BRD3: variants seen among roughly 807,000 people sequenced by gnomAD.
BRD3 encodes bromodomain containing 3, also known as bromodomain-containing protein 3.
BRD3 carries 17 observed loss-of-function variants against 66.8 expected under a neutral mutation model. The ratio of observed to expected loss-of-function variants is 0.25; its 90% CI spans 0.17 to 0.38. BRD3 has a LOEUF of 0.38. BRD3 is among the 10% of genes least tolerant of loss of function. The pLI, the probability that BRD3 is intolerant of heterozygous loss-of-function variation, is 1.00. For missense variants in BRD3, 713 were observed against 956.1 expected (o/e 0.75, Z 3.35); for synonymous variants, 421 against 393.2 (o/e 1.07, Z -0.84).
intron 1 of BRD3, chr9:134,054,201 C>G (rs908609354): frequency 2.6e-5 from 4 of 152,356 alleles, no homozygotes; most frequent in African/African-American, 9.6e-5. Flanking sequence ...GGTTGTGACC[C>G]GGCCTGGCTC....
chr9:134,055,203 C>A (rs1830391727), intron 1 of BRD3, among the ~76,000 whole-genome samples: 1 of 152,206 alleles, frequency 6.6e-6, no homozygotes, highest in Non-Finnish European at 1.5e-5. Flanking sequence ...CCTGCTCTGC[C>A]CCGCAAGGAC....
At chr9:134,034,955 T>G in intron 10 of BRD3, 126 bp from the exon 11 acceptor site, 1 of 1,423,598 alleles carries the variant, frequency 7.0e-7, no homozygotes, top group South Asian at 1.3e-5. Flanking sequence ...CCAGCTTTCA[T>G]GAGTCTGGGA....
At chr9:134,042,714 C>T (rs370476270) in intron 7 of BRD3, among the ~76,000 whole-genome samples, 1 of 147,420 alleles carries the variant, frequency 6.8e-6, no homozygotes, top group African/African-American at 2.5e-5. Context: ...TATATATACA[C>T]ATATATACAC....
At position 134,051,440 on chromosome 9, in the gene BRD3, C is replaced by A. The variant is rs927663989; in HGVS notation, c.499+122G>T. 41 of 1,078,782 alleles carry A rather than the reference C, an allele frequency of 3.8e-5. 1 individual carries two copies. Among genetic ancestry groups the A allele is most frequent in the Non-Finnish European group, 4.9e-5 (39 of 802,698 alleles). The allele number at this position is 1,078,782 out of a possible 1,614,324, so 66.8% of individuals were successfully genotyped here. A position where few individuals can be genotyped will look rare whatever the true frequency, so the allele number is the denominator to read the frequency against. ...GGCCACACTCATCCAAGACCCGGCA[C>A]CCACGAGCTCGTCACGACAGATGGG... On this transcript the variant is annotated intron_variant, in intron 4 of 11. Coordinates refer to ENST00000303407, the MANE Select transcript of BRD3 (RefSeq NM_007371.4).
At chr9:134,042,902 T>A (rs1830091623) in intron 7 of BRD3, among the ~76,000 whole-genome samples, 1 of 151,706 alleles carries the variant, frequency 6.6e-6, no homozygotes, top group South Asian at 2.1e-4. Flanking sequence ...TGCAATGGCA[T>A]GATCTCAGCT....
chr9:134,034,854 A>T (rs1450388105), intron 10 of BRD3, 25 bp from the exon 11 acceptor site: 2 of 1,609,734 alleles, frequency 1.2e-6, no homozygotes, highest in Admixed American at 3.3e-5. Context: ...ATGGGCACTC[A>T]GACTGCAGAG....
intron 1 of BRD3, chr9:134,056,610 CA>C (rs896135421): frequency 6.6e-6 from 1 of 152,442 alleles, no homozygotes; most frequent in African/African-American, 2.4e-5. Context: ...AGCCAGAGGG[CA>C]AAGGGGTGGC....
intron 9 of BRD3, among the ~76,000 whole-genome samples, chr9:134,038,996 T>C (rs1436219413): frequency 6.6e-6 from 1 of 152,068 alleles, no homozygotes; most frequent in African/African-American, 2.4e-5. Context: ...ATCCCGACCA[T>C]TCCACTCGCT....
Position 134,040,038 on chromosome 9 carries a change from C to A in BRD3, c.1639G>T (p.Gly547Cys). The change falls in exon 9 of 12, where the codon GGC (glycine) becomes TGC (cysteine). Residue 547 changes from glycine (G) to cysteine (C), a missense_variant. By Grantham distance (159) the Gly-to-Cys change is radical (BLOSUM62 -3). Around this residue, in one of 5 missense-constraint regions of BRD3, gnomAD observed 418 missense variants for 609.3 expected, o/e 0.69. Coordinates refer to ENST00000303407, the MANE Select transcript of BRD3 (RefSeq NM_007371.4). ...AKKANSTTTA[G>C]RQLKKGGKQA... is the part of the protein sequence containing the mutation. ...CCGAGCAGGTCTGGAGCCCACCTGC[C>A]GGCCGTGGTCGTGCTGTTGGCCTTC... is the stretch of plus-strand genomic sequence containing the variant. The A allele has an allele frequency of 6.3e-7, 1 of 1,587,598 alleles. No individual in the cohort carries two copies. The highest frequency in any genetic ancestry group is 8.5e-7 in the Non-Finnish European group (1 of 1,169,832).
intron 1 of BRD3, among the ~76,000 whole-genome samples, chr9:134,065,850 C>G (rs1008730923): frequency 6.6e-6 from 1 of 152,194 alleles, no homozygotes; most frequent in African/African-American, 2.4e-5. Flanking sequence ...GCTGGCATCT[C>G]CAGAGCCTGG....
intron 11 of BRD3, 28 bp downstream of exon 11, chr9:134,034,673 G>T (rs759266572): frequency 1.2e-6 from 2 of 1,600,546 alleles, no homozygotes; most frequent in Admixed American, 3.3e-5. Flanking sequence ...CCCCTAAAGA[G>T]GGGTGGCACA....
At chr9:134,065,263 A>C (rs1200533924) in intron 1 of BRD3, among the ~76,000 whole-genome samples, 1 of 152,200 alleles carries the variant, frequency 6.6e-6, no homozygotes, top group Admixed American at 6.5e-5. Context: ...TCTCTACTAA[A>C]AATACAAAAA....
At chr9:134,034,345 T>C (rs1284959555) in intron 11 of BRD3, among the ~76,000 whole-genome samples, 1 of 152,212 alleles carries the variant, frequency 6.6e-6, no homozygotes, top group Non-Finnish European at 1.5e-5. Context: ...GCCATGGAAC[T>C]GATGCCACTG....
In BRD3 at chr9:134,052,296, A is replaced by G. The variant is rs1158023560; in HGVS notation, c.351+10T>C. The G allele has an allele frequency of 1.9e-6, 3 of 1,611,678 alleles. No individual in the cohort carries two copies. Among genetic ancestry groups the G allele is most frequent in the Admixed American group, 1.7e-5 (1 of 59,954 alleles). ...ACTGCAAGCGGCGTGCCAGGCCCGC[A>G]TCTTCTTACCTTGTTATAAATGTAA... On this transcript the variant is annotated intron_variant, in intron 3 of 11. Coordinates refer to ENST00000303407, the MANE Select transcript of BRD3 (RefSeq NM_007371.4).
chr9:134,041,566 C>T (rs987896292), intron 8 of BRD3, among the ~76,000 whole-genome samples, 194 bp downstream of exon 8: 1 of 152,252 alleles, frequency 6.6e-6, no homozygotes, highest in African/African-American at 2.4e-5. Context: ...CAGCCACCCA[C>T]GTGTGCTGTG....
At position 134,039,396 on chromosome 9, in the gene BRD3, G is replaced by A. The variant is rs144161935; in HGVS notation, c.1643+638C>T. Among the ~76,000 whole-genome samples, 621 of 152,230 alleles carry A rather than the reference G, an allele frequency of 4.1e-3. 5 individuals carry two copies. The highest frequency in any genetic ancestry group is 0.014 in the African/African-American group (581 of 41,526). Reference sequence around the variant, plus strand: ...TTGCCCTCATTCCCAAAAGGAACACGTCCTACTGGCCTCTGTGGCTTTGTA... The same window carrying A: ...TTGCCCTCATTCCCAAAAGGAACACATCCTACTGGCCTCTGTGGCTTTGTA... On this transcript the variant is annotated intron_variant, in intron 9 of 11. Transcript: ENST00000303407.
intron 1 of BRD3, among the ~76,000 whole-genome samples, chr9:134,055,136 C>T (rs934220375): frequency 6.6e-6 from 1 of 152,190 alleles, no homozygotes; most frequent in Non-Finnish European, 1.5e-5. Flanking sequence ...CGTGGCAGCA[C>T]TGCCCCTCGC....
At chr9:134,037,586 ATAAAAAAT>A (rs1307242288) in intron 9 of BRD3, among the ~76,000 whole-genome samples, 1 of 152,248 alleles carries the variant, frequency 6.6e-6, no homozygotes, top group Non-Finnish European at 1.5e-5. Context: ...AATTTAAAAA[ATAAAAAAT>A]TAAAAAAAGG....
At chr9:134,067,898 C>T (rs1441384922) in intron 1 of BRD3, 47 bp downstream of exon 1, 1 of 145,414 alleles carries the variant, frequency 6.9e-6, no homozygotes, top group Non-Finnish European at 1.5e-5. Flanking sequence ...CCGCCGCCCG[C>T]GCCGCCCGCC....
Sources: gnomAD v4.1 joint callset for allele counts (sites outside exome capture counted in the v4.1 genomes callset) on GRCh38, gnomAD v4.1.1 for gene constraint, gnomAD v4.1.1 regional missense constraint, MANE v1.5 for transcripts, NCBI Gene and HGNC (gene_info 2026-07-23, HGNC 2026-07-21) for gene names.